The following RNF217 variants were observed in gnomAD, a reference collection of about 807,000 sequenced individuals.
RNF217 encodes ring finger protein 217.
A neutral mutation model predicts 57.8 loss-of-function variants in RNF217; 31 were observed. The observed-to-expected ratio is 0.54, with a 90% CI of 0.40 to 0.72. The LOEUF is 0.72. RNF217 is among the 30% of genes least tolerant of loss of function. The pLI is 0.00. For synonymous variants in RNF217, 313 were observed against 294.0 expected (o/e 1.06, Z -0.66); for missense variants, 696 against 708.3 (o/e 0.98, Z 0.20).
chr6:125,017,335 G>A (rs1225408306), intron 1 of RNF217, among the ~76,000 whole-genome samples: 1 of 152,156 alleles, frequency 6.6e-6, no homozygotes, highest in Non-Finnish European at 1.5e-5. Flanking sequence ...ACTGTTAAAT[G>A]TGGGGATTAA....
rs1430871394 is a variant in RNF217, at chr6:125,090,500, A to G, written c.*7563A>G. 6.6e-6 allele frequency: 1 copy of G among 151,762 alleles called. No homozygotes were observed. The highest frequency in any genetic ancestry group is 6.6e-5 in the Admixed American group (1 of 15,252). The allele number at this position is 151,762 out of a possible 1,614,324, so 9.4% of individuals were successfully genotyped here. On this transcript the variant is annotated 3_prime_UTR_variant, in exon 6 of 6. Coordinates refer to ENST00000521654, the MANE Select transcript of RNF217 (RefSeq NM_001286398.3). ...AGAGTAAAATATTAAAGAGAAAAAA[A>G]TTCGAGTGTTTATCTGTTATTACTG...
chr6:125,048,573 A>G (rs1490863618), intron 2 of RNF217, among the ~76,000 whole-genome samples: 1 of 152,064 alleles, frequency 6.6e-6, no homozygotes, highest in Non-Finnish European at 1.5e-5. Flanking sequence ...TTCATCCAAG[A>G]TGTCATTCTT....
rs182491570 is a variant in RNF217, at chr6:125,081,281, C to A, written c.1484-155C>A. ...CTTACATGTGTATATCTGTTCTATACCTAATCCTGATACATTTCTTAGATA... is the reference window on the plus strand; with the variant it reads ...CTTACATGTGTATATCTGTTCTATAACTAATCCTGATACATTTCTTAGATA... On this transcript the variant is annotated intron_variant, in intron 4 of 5. Transcript: ENST00000521654. 3.1e-4 allele frequency among the ~76,000 whole-genome samples: 47 copies of A among 152,126 alleles called. 1 individual carries two copies. The highest frequency in any genetic ancestry group is 5.2e-4 in the Admixed American group (8 of 15,266).
intron 1 of RNF217, among the ~76,000 whole-genome samples, chr6:125,012,930 T>G (rs1281776426): frequency 6.6e-6 from 1 of 152,170 alleles, no homozygotes; most frequent in African/African-American, 2.4e-5. Context: ...GTAAAATATC[T>G]TTGAACAACC....
At chr6:124,987,384 C>A (rs1784401391) in intron 1 of RNF217, among the ~76,000 whole-genome samples, 1 of 152,140 alleles carries the variant, frequency 6.6e-6, no homozygotes. Flanking sequence ...CCTGCCCTCA[C>A]CCCAGGCCTC....
Position 125,049,972 on chromosome 6 carries a change from G to C in RNF217, c.1116+4528G>C, listed in dbSNP as rs554901284. 2.0e-5 allele frequency among the ~76,000 whole-genome samples: 3 copies of C among 152,046 alleles called. No individual in the cohort carries two copies. In the South Asian group the frequency reaches 6.2e-4, roughly 32 times the overall value. On this transcript the variant is annotated intron_variant, in intron 2 of 5. Coordinates refer to ENST00000521654, the MANE Select transcript of RNF217 (RefSeq NM_001286398.3). ...GAAAACATGACTCAGGAGTGATTTG[G>C]TGGAAGTCATCAATATTGGGGGCAG... is the stretch of plus-strand genomic sequence containing the variant.
At chr6:124,980,827 C>G (rs1207335454) in intron 1 of RNF217, among the ~76,000 whole-genome samples, 1 of 152,114 alleles carries the variant, frequency 6.6e-6, no homozygotes. Flanking sequence ...TCTAATTACA[C>G]TCTATATTGA....
intron 2 of RNF217, 89 bp from the exon 3 acceptor site, chr6:125,057,853 T>C (rs1787578885): frequency 1.8e-6 from 2 of 1,126,370 alleles, no homozygotes; most frequent in Non-Finnish European, 1.3e-6. Context: ...TATAAACTTT[T>C]AGCTAATTTC....
intron 3 of RNF217, among the ~76,000 whole-genome samples, chr6:125,073,775 G>A (rs979269375): frequency 2.6e-5 from 4 of 152,038 alleles, no homozygotes; most frequent in Non-Finnish European, 5.9e-5. Flanking sequence ...TAAATTACCC[G>A]GGTATTTGAT....
intron 2 of RNF217, among the ~76,000 whole-genome samples, chr6:125,046,847 A>C (rs1787116127): frequency 6.6e-6 from 1 of 151,958 alleles, no homozygotes; most frequent in African/African-American, 2.4e-5. Context: ...TCTCATAGTT[A>C]ATTTATTTAC....
At chr6:125,024,386 C>T (rs1785983511) in intron 1 of RNF217, among the ~76,000 whole-genome samples, 1 of 151,698 alleles carries the variant, frequency 6.6e-6, no homozygotes, top group Non-Finnish European at 1.5e-5. Flanking sequence ...AGTTCGAGAC[C>T]ACCCTGAGCA....
chr6:125,059,403 C>G (rs1280219845), intron 3 of RNF217, among the ~76,000 whole-genome samples: 1 of 152,140 alleles, frequency 6.6e-6, no homozygotes, highest in Non-Finnish European at 1.5e-5. Context: ...GCCTTCCCCC[C>G]TTTCTCTTGC....
intron 1 of RNF217, among the ~76,000 whole-genome samples, chr6:125,027,273 C>G (rs572322163): frequency 9.2e-5 from 14 of 152,022 alleles, no homozygotes; most frequent in Non-Finnish European, 1.3e-4. Context: ...TTTTTGTACC[C>G]ATTAACCATC....
At chr6:125,073,179 G>A (rs931843032) in intron 3 of RNF217, among the ~76,000 whole-genome samples, 7 of 152,192 alleles carry the variant, frequency 4.6e-5, no homozygotes, top group Admixed American at 6.5e-5. Context: ...CTTCAAATAT[G>A]TCCTAGTGCT....
intron 3 of RNF217, among the ~76,000 whole-genome samples, chr6:125,073,791 G>T (rs1328214080): frequency 2.6e-5 from 4 of 152,080 alleles, no homozygotes; most frequent in Non-Finnish European, 5.9e-5. Flanking sequence ...TTGATTTCTG[G>T]CATTTTTAGG....
chr6:124,976,577 A>AT (rs1433115041), intron 1 of RNF217, among the ~76,000 whole-genome samples: 2 of 140,722 alleles, frequency 1.4e-5, no homozygotes, highest in South Asian at 2.3e-4. Flanking sequence ...CTATTTATTT[A>AT]TTTTTTTAGA....
intron 1 of RNF217, among the ~76,000 whole-genome samples, chr6:124,965,168 A>G (rs1033928369): frequency 3.3e-5 from 5 of 152,222 alleles, no homozygotes; most frequent in Non-Finnish European, 7.3e-5. Context: ...TACAACCACT[A>G]AAAACTCCTC....
chr6:125,029,791 TA>T (rs1019034947), intron 1 of RNF217, among the ~76,000 whole-genome samples: 38 of 152,004 alleles, frequency 2.5e-4, no homozygotes, highest in African/African-American at 3.9e-4. Flanking sequence ...AGTTTTGGAA[TA>T]AAAAAAAATT....
intron 1 of RNF217, among the ~76,000 whole-genome samples, chr6:124,995,515 A>G (rs544066743): frequency 6.6e-6 from 1 of 152,202 alleles, no homozygotes; most frequent in Non-Finnish European, 1.5e-5. Flanking sequence ...ACTTTATTCA[A>G]AGTTAACATT....
Sources: gnomAD v4.1 joint callset for allele counts (sites outside exome capture counted in the v4.1 genomes callset) on GRCh38, gnomAD v4.1.1 for gene constraint, MANE v1.5 for transcripts, NCBI Gene and HGNC (gene_info 2026-07-23, HGNC 2026-07-21) for gene names.